PRKAG2: variants seen among roughly 807,000 people sequenced by gnomAD.
PRKAG2 encodes 5'-AMP-activated protein kinase subunit gamma-2.
A neutral mutation model predicts 69.6 loss-of-function variants in PRKAG2; 26 were observed. The ratio of observed to expected loss-of-function variants is 0.37; its 90% CI spans 0.27 to 0.52. The LOEUF is 0.52. Among genes scored for constraint, PRKAG2 ranks in the 20% least tolerant of loss-of-function variants. The pLI is 0.90. For synonymous variants in PRKAG2, 293 were observed against 285.0 expected, an observed-to-expected ratio of 1.03 and a Z score of -0.28; for missense variants, 557 against 740.0, an observed-to-expected ratio of 0.75 and a Z score of 2.87.
At chr7:151,827,744 G>GAAA (rs2078932406) in intron 1 of PRKAG2, among the ~76,000 whole-genome samples, 1 of 32,140 alleles carries the variant, frequency 3.1e-5, no homozygotes, top group Non-Finnish European at 7.2e-5. Context: ...GTGGCCTTAG[G>GAAA]TAAAAAAAAA....
intron 1 of PRKAG2, among the ~76,000 whole-genome samples, chr7:151,871,882 T>G (rs1247486694): frequency 6.6e-6 from 1 of 152,114 alleles, no homozygotes; most frequent in Non-Finnish European, 1.5e-5. Flanking sequence ...TCAATCCAAT[T>G]CAATGAAGAG....
chr7:151,683,100 G>A (rs1176675542), intron 3 of PRKAG2, among the ~76,000 whole-genome samples: 3 of 152,252 alleles, frequency 2.0e-5, no homozygotes, highest in East Asian at 3.8e-4. Context: ...CTCCCAGGGC[G>A]GCAGCCAGGC....
chr7:151,693,431 CA>C (rs1836026014), intron 3 of PRKAG2, among the ~76,000 whole-genome samples: 1 of 152,178 alleles, frequency 6.6e-6, no homozygotes, highest in Non-Finnish European at 1.5e-5. Flanking sequence ...CCTCCAGGCC[CA>C]TCACCTCCCC....
At chr7:151,645,548 T>C (rs768655627) in intron 4 of PRKAG2, among the ~76,000 whole-genome samples, 3 of 152,200 alleles carry the variant, frequency 2.0e-5, no homozygotes, top group Non-Finnish European at 4.4e-5. Context: ...AAGTTTGTGG[T>C]AATCTCTTAC....
intron 4 of PRKAG2, among the ~76,000 whole-genome samples, chr7:151,652,134 T>C (rs556964673): frequency 2.6e-5 from 4 of 152,342 alleles, no homozygotes; most frequent in African/African-American, 9.6e-5. Context: ...AGCATCACAG[T>C]GTACCCCATA....
rs141759104 is a variant in PRKAG2 at position 151,733,323 on chromosome 7, G to T, written c.466+47829C>A. Among the ~76,000 whole-genome samples the T allele has an allele frequency of 5.7e-3, 868 of 152,358 alleles. 11 individuals are homozygous for T. The highest frequency in any genetic ancestry group is 0.02 in the African/African-American group (822 of 41,588). Reference sequence around the variant, plus strand: ...CCAAATTCCAGAGGAAGGCTCTGGAGGGACCTCCGATTTTCTTGACCCTGT... The same window carrying T: ...CCAAATTCCAGAGGAAGGCTCTGGATGGACCTCCGATTTTCTTGACCCTGT... On this transcript the variant is annotated intron_variant, in intron 3 of 15. Coordinates refer to ENST00000287878, the MANE Select transcript of PRKAG2 (RefSeq NM_016203.4).
At chr7:151,631,187 C>A (rs753671324) in intron 5 of PRKAG2, among the ~76,000 whole-genome samples, 1 of 152,176 alleles carries the variant, frequency 6.6e-6, no homozygotes, top group Non-Finnish European at 1.5e-5. Flanking sequence ...AGAGAAGTTG[C>A]TAAATAAATA....
Position 151,781,234 on chromosome 7 carries a change from G to A in PRKAG2, c.384C>T (p.Arg128=). 2 of 1,614,078 alleles carry A rather than the reference G, an allele frequency of 1.2e-6. No individual in the cohort carries two copies. The highest frequency in any genetic ancestry group is 2.2e-5 in the South Asian group (2 of 91,092). The part of the protein sequence containing the change: ...PRRMSFSGIF[R]SSSKESSPNS... ...TGGGGGAAGACTCTTTGGAGGAGGA[G>A]CGGAAGATCCCACTGAAGCTCATGC... The change falls in exon 3 of 16, where the codon CGC becomes CGT. Residue 128 remains arginine, a synonymous_variant. Coordinates refer to ENST00000287878, the MANE Select transcript of PRKAG2 (RefSeq NM_016203.4). The surrounding 1 kb of genome is among the most constrained non-coding windows in gnomAD (Gnocchi z 6.1).
chr7:151,649,681 T>C (rs1828141252), intron 4 of PRKAG2, among the ~76,000 whole-genome samples: 1 of 152,136 alleles, frequency 6.6e-6, no homozygotes, highest in African/African-American at 2.4e-5. Flanking sequence ...AGCTGGTTGT[T>C]CAAAAGCATG....
chr7:151,771,502 C>A lies in PRKAG2; in HGVS notation c.466+9650G>T, dbSNP rs2076018446. On this transcript the variant is annotated intron_variant, in intron 3 of 15. Transcript: ENST00000287878. This position sits in a 1 kb window ranked among gnomAD's most constrained non-coding sequence, Gnocchi z 4.0. ...GTATCTGAACAACTGTGGGAGGAAT[C>A]ATTTTGTATGCATGCAGTACACACA... Among the ~76,000 whole-genome samples, 1 of 152,178 alleles carries A rather than the reference C, an allele frequency of 6.6e-6. No homozygotes were observed. Among genetic ancestry groups the A allele is most frequent in the African/African-American group, 2.4e-5 (1 of 41,442 alleles).
intron 14 of PRKAG2, among the ~76,000 whole-genome samples, chr7:151,563,174 C>G (rs771458782): frequency 6.6e-5 from 10 of 152,136 alleles, no homozygotes; most frequent in Non-Finnish European, 1.5e-4. Context: ...CAAATGGAAT[C>G]ATCACTGATA....
intron 3 of PRKAG2, chr7:151,734,371 T>C (rs1799426793): frequency 6.6e-6 from 1 of 152,154 alleles, no homozygotes; most frequent in African/African-American, 2.4e-5. Flanking sequence ...TCAGGGGACA[T>C]GGCTTCATAC....
intron 1 of PRKAG2, among the ~76,000 whole-genome samples, chr7:151,849,244 T>C (rs1428754235): frequency 2.0e-5 from 3 of 152,244 alleles, no homozygotes; most frequent in African/African-American, 7.2e-5. Flanking sequence ...TGCACCGTGC[T>C]TTGGAGAAAG....
At chr7:151,797,200 C>T (rs2077592501) in intron 1 of PRKAG2, among the ~76,000 whole-genome samples, 4 of 151,486 alleles carry the variant, frequency 2.6e-5, no homozygotes, top group African/African-American at 7.3e-5. Flanking sequence ...TCAGATCTGA[C>T]GCTTCCCCCA....
At chr7:151,723,217 C>T (rs1313643551) in intron 3 of PRKAG2, among the ~76,000 whole-genome samples, 1 of 152,120 alleles carries the variant, frequency 6.6e-6, no homozygotes, top group Non-Finnish European at 1.5e-5. Context: ...GCCATAAGTC[C>T]CTTTGGGGAA....
intron 1 of PRKAG2, among the ~76,000 whole-genome samples, chr7:151,855,471 GCTCCACACACCA>G (rs2079737658): frequency 3.7e-4 from 3 of 8,154 alleles, no homozygotes; most frequent in East Asian, 8.5e-3. Context: ...CACACACCAT[GCTCCACACACCA>G]CCCTCCACAC....
In PRKAG2 at chr7:151,836,449, G is replaced by C. The variant is rs1228032420; in HGVS notation, c.114+40058C>G. ...GCTCCTGCTCAAGCTGGGAGAACCA[G>C]GGTCAAGTCCCTTCACTCAGTCACC... On this transcript the variant is annotated intron_variant, in intron 1 of 15. Transcript: ENST00000287878. This position sits in a 1 kb window ranked among gnomAD's most constrained non-coding sequence, Gnocchi z 4.1. Among the ~76,000 whole-genome samples, 2 of 152,212 alleles carry C rather than the reference G, an allele frequency of 1.3e-5. No homozygotes were observed. The highest frequency in any genetic ancestry group is 4.8e-5 in the African/African-American group (2 of 41,448).
At chr7:151,841,569 AGGTAGTGAT>A (rs1384996211) in intron 1 of PRKAG2, among the ~76,000 whole-genome samples, 16 of 146,632 alleles carry the variant, frequency 1.1e-4, no homozygotes, top group Middle Eastern at 3.9e-3. Flanking sequence ...TAGTGATGGT[AGGTAGTGAT>A]GGTAGTGATG....
chr7:151,862,382 T>G (rs538420364), intron 1 of PRKAG2, among the ~76,000 whole-genome samples: 59 of 152,364 alleles, frequency 3.9e-4, no homozygotes, highest in Non-Finnish European at 7.6e-4. Context: ...AATGTTCTCT[T>G]TGAGGTATGT....
Sources: gnomAD v4.1 joint callset for allele counts (sites outside exome capture counted in the v4.1 genomes callset) on GRCh38, gnomAD v4.1.1 for gene constraint, Gnocchi (gnomAD v3.1) non-coding constraint, MANE v1.5 for transcripts, NCBI Gene and HGNC (gene_info 2026-07-23, HGNC 2026-07-21) for gene names.